Variants in GABRB2 observed in about 807,000 individuals in gnomAD.
GABRB2 encodes gamma-aminobutyric acid type A receptor subunit beta2.
Under a neutral mutation model 54.7 loss-of-function variants are expected in GABRB2, and 16 were observed. The ratio of observed to expected loss-of-function variants is 0.29; its 90% CI spans 0.20 to 0.44. The LOEUF (loss-of-function observed/expected upper bound fraction) is 0.44. Ranked by LOEUF, GABRB2 falls within the 20% of genes least tolerant of loss-of-function variation. GABRB2 has a pLI of 1.00. For missense variants in GABRB2, 355 were observed against 644.0 expected (o/e 0.55, Z 4.86); for synonymous variants, 244 against 233.8 (o/e 1.04, Z -0.40).
At chr5:161,452,579 AATTCTGCTTTCTATTTAAT>A (rs1221310964) in intron 4 of GABRB2, among the ~76,000 whole-genome samples, 17 of 152,154 alleles carry the variant, frequency 1.1e-4, no homozygotes, top group Non-Finnish European at 1.5e-5. Context: ...TCATTGATAG[AATTCTGCTTTCTATTTAAT>A]ATTTGGGTGA....
At chr5:161,359,328 C>A (rs1255860704) in intron 5 of GABRB2, among the ~76,000 whole-genome samples, 1 of 152,026 alleles carries the variant, frequency 6.6e-6, no homozygotes. Flanking sequence ...TGTAAGACTT[C>A]CATAAAACAA....
chr5:161,293,974 T>A lies in GABRB2; in HGVS notation c.*107A>T. On this transcript the variant is annotated 3_prime_UTR_variant, in exon 10 of 10. Transcript: ENST00000393959. Reference sequence around the variant, plus strand: ...AGGATAGGCCAGCAACTAAGGTATTTTAGCGTCACTTTTGTCCTGGATTGA... The same window carrying A: ...AGGATAGGCCAGCAACTAAGGTATTATAGCGTCACTTTTGTCCTGGATTGA... 1 of 861,078 alleles carries A rather than the reference T, an allele frequency of 1.2e-6. No individual in the cohort carries two copies. The highest frequency in any genetic ancestry group is 1.8e-6 in the Non-Finnish European group (1 of 554,492). The allele number at this position is 861,078 out of a possible 1,614,324, so 53.3% of individuals were successfully genotyped here. A position where few individuals can be genotyped will look rare whatever the true frequency, so the allele number is the denominator to read the frequency against.
intron 5 of GABRB2, among the ~76,000 whole-genome samples, chr5:161,341,231 A>G (rs997994988): frequency 6.6e-6 from 1 of 151,966 alleles, no homozygotes; most frequent in African/African-American, 2.4e-5. Flanking sequence ...AAGTGATTAA[A>G]AACTAAAAGA....
At chr5:161,391,025 C>T (rs1755806320) in intron 5 of GABRB2, among the ~76,000 whole-genome samples, 1 of 152,112 alleles carries the variant, frequency 6.6e-6, no homozygotes, top group Non-Finnish European at 1.5e-5. Flanking sequence ...AACACAACAT[C>T]TTTTATTACT....
chr5:161,365,084 T>G lies in GABRB2; in HGVS notation c.542-28315A>C, dbSNP rs1754935360. ...TACTGAGAAAGGCTCAAGCTACAGC[T>G]AAAGAGAAACCGTTTTTTGGGCAGA... On this transcript the variant is annotated intron_variant, in intron 5 of 9. Coordinates refer to ENST00000393959, the MANE Select transcript of GABRB2 (RefSeq NM_001371727.1). 2.0e-5 allele frequency among the ~76,000 whole-genome samples: 3 copies of G among 152,300 alleles called. No homozygotes were observed. In the South Asian group the frequency reaches 6.2e-4, roughly 32 times the overall value.
chr5:161,468,923 TAC>T (rs1561661302), intron 3 of GABRB2, among the ~76,000 whole-genome samples: 5 of 151,922 alleles, frequency 3.3e-5, no homozygotes, highest in East Asian at 1.9e-4. Flanking sequence ...ATGAAACACA[TAC>T]AGTCATACAT....
chr5:161,361,995 G>T (rs1361441318), intron 5 of GABRB2, among the ~76,000 whole-genome samples: 1 of 152,116 alleles, frequency 6.6e-6, no homozygotes, highest in East Asian at 1.9e-4. Flanking sequence ...TCTGCATACG[G>T]CTAGCCAGTT....
intron 5 of GABRB2, among the ~76,000 whole-genome samples, chr5:161,342,946 G>A (rs1754214907): frequency 6.6e-6 from 1 of 152,060 alleles, no homozygotes; most frequent in Admixed American, 6.6e-5. Flanking sequence ...TAGCTTGAGT[G>A]ACCATAATTA....
At chr5:161,546,927 C>T (rs1274749197), upstream of GABRB2, 2 of 425,026 alleles carry the variant, frequency 4.7e-6, no homozygotes, top group African/African-American at 4.1e-5. Context: ...TGTTGTTATC[C>T]TTTCGTTAAG....
chr5:161,384,338 G>A (rs1046687871), intron 5 of GABRB2, among the ~76,000 whole-genome samples: 2 of 152,162 alleles, frequency 1.3e-5, no homozygotes, highest in African/African-American at 4.8e-5. Flanking sequence ...GAATGTAGAT[G>A]AGTGCCTGGA....
chr5:161,382,227 A>C (rs13184160), intron 5 of GABRB2, among the ~76,000 whole-genome samples: 2 of 152,124 alleles, frequency 1.3e-5, no homozygotes, highest in Non-Finnish European at 2.9e-5. Context: ...AGTTCCCTCC[A>C]GTCCCAGGAA....
At chr5:161,303,887 TC>T (rs1639073345) in intron 9 of GABRB2, among the ~76,000 whole-genome samples, 1 of 152,068 alleles carries the variant, frequency 6.6e-6, no homozygotes, top group South Asian at 2.1e-4. Context: ...GCTAACTCCC[TC>T]CCCCAGTTTC....
intron 3 of GABRB2, among the ~76,000 whole-genome samples, chr5:161,534,660 G>A (rs1760574157): frequency 6.6e-6 from 1 of 152,092 alleles, no homozygotes; most frequent in Non-Finnish European, 1.5e-5. Flanking sequence ...AATTAACCAA[G>A]AGAAATAGAA....
intron 3 of GABRB2, among the ~76,000 whole-genome samples, chr5:161,518,837 A>G (rs1760030381): frequency 6.6e-6 from 1 of 152,264 alleles, no homozygotes; most frequent in African/African-American, 2.4e-5. Context: ...TTATAAATTA[A>G]TATCAGAACT....
intron 5 of GABRB2, among the ~76,000 whole-genome samples, chr5:161,409,147 C>G (rs2216652): frequency 1.3e-5 from 2 of 151,956 alleles, no homozygotes; most frequent in Admixed American, 6.6e-5. Flanking sequence ...TTAATCTGGT[C>G]CCTCCAAAAT....
At chr5:161,436,696 A>T (rs1757321705) in intron 4 of GABRB2, among the ~76,000 whole-genome samples, 1 of 152,182 alleles carries the variant, frequency 6.6e-6, no homozygotes, top group African/African-American at 2.4e-5. Context: ...GAGCATTCGT[A>T]GTACCTGTTT....
chr5:161,305,337 A>G (rs1162943393), intron 9 of GABRB2, among the ~76,000 whole-genome samples: 1 of 152,172 alleles, frequency 6.6e-6, no homozygotes, highest in African/African-American at 2.4e-5. Flanking sequence ...TTTAATAGAC[A>G]TTTCTTTCAT....
At chr5:161,487,496 C>T (rs998292323) in intron 3 of GABRB2, among the ~76,000 whole-genome samples, 1 of 151,836 alleles carries the variant, frequency 6.6e-6, no homozygotes, top group Non-Finnish European at 1.5e-5. Context: ...AAGGGAAACA[C>T]TCAAATTCAT....
At chr5:161,428,879 G>C (rs189253880) in intron 4 of GABRB2, among the ~76,000 whole-genome samples, 49 of 152,074 alleles carry the variant, frequency 3.2e-4, no homozygotes, top group African/African-American at 7.5e-4. Flanking sequence ...AAAACAATTA[G>C]GGCATCTACC....
Sources: gnomAD v4.1 joint callset for allele counts (sites outside exome capture counted in the v4.1 genomes callset) on GRCh38, gnomAD v4.1.1 for gene constraint, MANE v1.5 for transcripts, NCBI Gene and HGNC (gene_info 2026-07-23, HGNC 2026-07-21) for gene names.